The following CATSPERT variants were observed in gnomAD, a reference collection of about 807,000 sequenced individuals.
CATSPERT encodes the protein cation channel sperm-associated targeting subunit tau.
the CATSPERT span, chr2:201,493,770 A>C: frequency 6.5e-7 from 1 of 1,536,962 alleles, no homozygotes; most frequent in Non-Finnish European, 8.7e-7. Context: ...GTACAGTGCC[A>C]CTTGAACCTG....
the CATSPERT span, among the ~76,000 whole-genome samples, chr2:201,602,446 C>T: frequency 6.6e-6 from 1 of 152,000 alleles, no homozygotes; most frequent in Non-Finnish European, 1.5e-5. Context: ...AAAAAAGAAA[C>T]ATCAAATCTC....
chr2:201,549,334 C>T, the CATSPERT span, among the ~76,000 whole-genome samples: 1 of 151,882 alleles, frequency 6.6e-6, no homozygotes, highest in Non-Finnish European at 1.5e-5. Flanking sequence ...TAATTAATAA[C>T]ATTAATATTA....
the CATSPERT span, among the ~76,000 whole-genome samples, chr2:201,609,220 T>C: frequency 2.6e-5 from 4 of 152,318 alleles, no homozygotes; most frequent in East Asian, 1.9e-4. Flanking sequence ...AAGGGAAGGA[T>C]AGACTCCAAT....
chr2:201,616,284 T>C, the CATSPERT span, among the ~76,000 whole-genome samples: 12 of 152,306 alleles, frequency 7.9e-5, 1 homozygote, highest in East Asian at 2.3e-3. Context: ...ATATCCCTGA[T>C]GAACATCGAT....
At chr2:201,544,593 A>G in the CATSPERT span, among the ~76,000 whole-genome samples, 1 of 152,036 alleles carries the variant, frequency 6.6e-6, no homozygotes, top group African/African-American at 2.4e-5. Flanking sequence ...TCCTCTACAT[A>G]AAAGAGACCA....
the CATSPERT span, among the ~76,000 whole-genome samples, chr2:201,549,016 C>T: frequency 1.3e-5 from 2 of 151,968 alleles, no homozygotes; most frequent in East Asian, 3.8e-4. Flanking sequence ...CACACACACA[C>T]CCCCCAGCCA....
the CATSPERT span, chr2:201,493,502 T>C: frequency 3.3e-6 from 5 of 1,537,092 alleles, no homozygotes; most frequent in Non-Finnish European, 4.4e-6. Flanking sequence ...TCTAATTCTA[T>C]CACTTTGATT....
the CATSPERT span, chr2:201,487,937 T>C: frequency 2.0e-6 from 3 of 1,507,950 alleles, no homozygotes; most frequent in African/African-American, 1.4e-5. Context: ...ATTGGTAAAT[T>C]AGGTTTCTTA....
chr2:201,578,880 ATCT>A, the CATSPERT span, among the ~76,000 whole-genome samples: 500 of 152,266 alleles, frequency 3.3e-3, 8 homozygotes, highest in South Asian at 0.042. Context: ...ATTTCCAAAG[ATCT>A]TCTCCCAAAA....
the CATSPERT span, among the ~76,000 whole-genome samples, chr2:201,607,478 C>T: frequency 4.2e-3 from 642 of 152,210 alleles, 2 homozygotes; most frequent in African/African-American, 0.012. Flanking sequence ...CTAGTGATAC[C>T]GGCCCCCATC....
At chr2:201,596,448 A>G in the CATSPERT span, among the ~76,000 whole-genome samples, 1 of 152,210 alleles carries the variant, frequency 6.6e-6, no homozygotes, top group Non-Finnish European at 1.5e-5. Context: ...AGGAAGAGGC[A>G]GAGGATCAGA....
the CATSPERT span, among the ~76,000 whole-genome samples, chr2:201,602,988 A>G: frequency 6.6e-6 from 1 of 152,202 alleles, no homozygotes; most frequent in Non-Finnish European, 1.5e-5. Flanking sequence ...CACTAAAGCA[A>G]CTAGACATGT....
At chr2:201,537,701 C>T in the CATSPERT span, among the ~76,000 whole-genome samples, 1 of 151,712 alleles carries the variant, frequency 6.6e-6, no homozygotes. Context: ...TCCATAAATA[C>T]AAGACACAAA....
chr2:201,515,202 GTTTTTTTTTTTTTTTTTTTTTTTTTTTT>G, the CATSPERT span, among the ~76,000 whole-genome samples: 277 of 24,648 alleles, frequency 0.011, no homozygotes, highest in Non-Finnish European at 0.015. Context: ...TCTGCCCATA[GTTTTTTTTTTTTTTTTTTTTTTTTTTTT>G]TTTTTTTTTT....
chr2:201,532,421 T>G, the CATSPERT span, among the ~76,000 whole-genome samples: 3 of 152,186 alleles, frequency 2.0e-5, no homozygotes, highest in Non-Finnish European at 4.4e-5. Context: ...AAATTAAGAA[T>G]TCAGTCTTCG....
chr2:201,515,230 T>TAG, the CATSPERT span, among the ~76,000 whole-genome samples: 943 of 77,830 alleles, frequency 0.012, 186 homozygotes, highest in African/African-American at 0.056. Flanking sequence ...TTTTTTTTTT[T>TAG]TTTTTTTTTT....
the CATSPERT span, among the ~76,000 whole-genome samples, chr2:201,566,211 T>C: frequency 1.3e-5 from 2 of 152,164 alleles, no homozygotes; most frequent in Non-Finnish European, 2.9e-5. Context: ...AATTTCTTTT[T>C]TTTTTTATTA....
chr2:201,506,734 T>C, the CATSPERT span, among the ~76,000 whole-genome samples: 10 of 152,130 alleles, frequency 6.6e-5, no homozygotes, highest in African/African-American at 9.7e-5. Flanking sequence ...TTTGTATTTT[T>C]AGTAGAGATG....
the CATSPERT span, among the ~76,000 whole-genome samples, chr2:201,591,202 T>C: frequency 8.5e-5 from 13 of 152,202 alleles, no homozygotes; most frequent in African/African-American, 2.9e-4. Context: ...TTTCTACATA[T>C]GGCTAGCCAG....
Sources: allele counts gnomAD v4.1 joint callset (sites outside exome capture counted in the v4.1 genomes callset), GRCh38; gene constraint gnomAD v4.1.1; transcripts MANE v1.5; gene names NCBI Gene and HGNC (gene_info 2026-07-23, HGNC 2026-07-21).